The following DNAH2 variants were observed in gnomAD, a reference collection of about 807,000 sequenced individuals.
DNAH2 encodes the protein dynein axonemal heavy chain 2.
Under a neutral mutation model 523.5 loss-of-function variants are expected in DNAH2, and 323 were observed. That is an observed-to-expected ratio of 0.62 (90% CI 0.56 to 0.68). DNAH2 has a LOEUF of 0.68. DNAH2 is among the 30% of genes least tolerant of loss of function. The pLI is 0.00. For missense variants in DNAH2, 4,907 were observed against 5,701.5 expected (o/e 0.86, Z 4.49); for synonymous variants, 2,093 against 2,177.4 (o/e 0.96, Z 1.08).
At chr17:7,737,314 G>A in intron 8 of DNAH2, 56 bp downstream of exon 8, 1 of 1,557,940 alleles carries the variant, frequency 6.4e-7, no homozygotes, top group Non-Finnish European at 8.8e-7. Context: ...CGGGTTTTCT[G>A]AAGCAGGGGG....
chr17:7,720,942 G>A (rs1378253974), intron 2 of DNAH2, among the ~76,000 whole-genome samples: 1 of 150,740 alleles, frequency 6.6e-6, no homozygotes, highest in East Asian at 2.0e-4. Flanking sequence ...AAATGAATGT[G>A]TTGGCCTTCG....
In DNAH2 at chr17:7,780,713, T is replaced by G. The variant is rs2076580970; in HGVS notation, c.5934T>G (p.Arg1978=). Residue 1978 remains arginine, a synonymous_variant, in exon 38 of 86, where the codon CGT becomes CGG. Transcript: ENST00000572933. The surrounding 1 kb of genome is among the most constrained non-coding windows in gnomAD (Gnocchi z 4.4). ...AGGACCACTATGACTTTGGCCTGCG[T>G]GCCCTCACCTCCCTTCTGCGCTATG... ...SRQDHYDFGL[R]ALTSLLRYAG... is the part of the protein sequence containing the mutation. The G allele has an allele frequency of 6.2e-7, 1 of 1,614,238 alleles. No individual in the cohort carries two copies.
intron 75 of DNAH2, 38 bp from the exon 76 acceptor site, chr17:7,824,083 T>A: frequency 6.4e-7 from 1 of 1,569,524 alleles, no homozygotes; most frequent in Non-Finnish European, 8.6e-7. Flanking sequence ...TTTGGTCATG[T>A]GGCCTTCTGC....
At chr17:7,806,827 T>C (rs1449864841) in intron 61 of DNAH2, among the ~76,000 whole-genome samples, 1 of 151,970 alleles carries the variant, frequency 6.6e-6, no homozygotes, top group East Asian at 1.9e-4. Flanking sequence ...GAATACAGCC[T>C]GCCAGTCTCG....
chr17:7,804,241 T>G lies in DNAH2; in HGVS notation c.8973-15T>G. 6.2e-7 allele frequency: 1 copy of G among 1,613,726 alleles called. No individual in the cohort carries two copies. The highest frequency in any genetic ancestry group is 8.5e-7 in the Non-Finnish European group (1 of 1,179,832). ...AGCCCCGCCTCTCCACACCCTGTCC[T>G]ATTCTTTCCCCCAGGTTGCTGGGAG... On this transcript the variant is annotated splice_polypyrimidine_tract_variant and intron_variant, in intron 58 of 85. Coordinates refer to ENST00000572933, the MANE Select transcript of DNAH2 (RefSeq NM_020877.5).
chr17:7,801,910 T>C lies in DNAH2; in HGVS notation c.8865T>C (p.Thr2955=). 4.3e-6 allele frequency: 7 copies of C among 1,614,234 alleles called. No homozygotes were observed. The highest frequency in any genetic ancestry group is 5.9e-6 in the Non-Finnish European group (7 of 1,180,030). Residue 2955 remains threonine, a synonymous_variant, in exon 58 of 86, where the codon ACT becomes ACC. Coordinates refer to ENST00000572933, the MANE Select transcript of DNAH2 (RefSeq NM_020877.5). Reference sequence around the variant, plus strand: ...GGAAGGTGGCCCAGATCTTTGTCACTATGCACTGGTCAGTAGCTCAGTATT... The same window carrying C: ...GGAAGGTGGCCCAGATCTTTGTCACCATGCACTGGTCAGTAGCTCAGTATT... ...IHRKVAQIFV[T]MHWSVAQYSQ...
At chr17:7,773,968 G>A (rs2076384999) in intron 28 of DNAH2, among the ~76,000 whole-genome samples, 3 of 152,144 alleles carry the variant, frequency 2.0e-5, no homozygotes, top group Non-Finnish European at 4.4e-5. Context: ...GACCTCAAGT[G>A]ATCCACCCAC....
rs546237334 is a variant in DNAH2, at chr17:7,769,387, C to A, written c.3942-865C>A. Among the ~76,000 whole-genome samples, 4 of 152,268 alleles carry A rather than the reference C, an allele frequency of 2.6e-5. No individual in the cohort carries two copies. The South Asian group carries it at 8.3e-4, about 32-fold the overall frequency. ...ATGTTGCCCAAGATGGTCTTGAACT[C>A]CTGGCCTCAAGTGATCCGCTCGCCT... is the stretch of plus-strand genomic sequence containing the variant. On this transcript the variant is annotated intron_variant, in intron 24 of 85. Coordinates refer to ENST00000572933, the MANE Select transcript of DNAH2 (RefSeq NM_020877.5).
intron 48 of DNAH2, among the ~76,000 whole-genome samples, chr17:7,793,491 CTT>C (rs1191978826): frequency 7.4e-6 from 1 of 135,214 alleles, no homozygotes; most frequent in Non-Finnish European, 1.7e-5. Flanking sequence ...TTCTTTCTTT[CTT>C]TCTTTCTTTC....
intron 15 of DNAH2, 39 bp from the exon 16 acceptor site, chr17:7,759,383 C>T (rs779416382): frequency 1.3e-6 from 2 of 1,576,092 alleles, no homozygotes; most frequent in Non-Finnish European, 8.6e-7. Context: ...GCCCTGTCTT[C>T]CCTGAAAAGT....
At chr17:7,817,473 C>G in intron 65 of DNAH2, 58 bp downstream of exon 65, 1 of 1,613,278 alleles carries the variant, frequency 6.2e-7, no homozygotes, top group Non-Finnish European at 8.5e-7. Context: ...GGGGCAGGAC[C>G]TTTGGGAATA....
chr17:7,823,741 CCGGAGCA>C, intron 74 of DNAH2, 86 bp from the exon 75 acceptor site: 1 of 1,580,032 alleles, frequency 6.3e-7, no homozygotes, highest in South Asian at 1.2e-5. Flanking sequence ...GCCTCCTGGC[CCGGAGCA>C]CATTCCCGGC....
In DNAH2 at chr17:7,805,075, G is replaced by T; in HGVS notation, c.9300+1G>T. 6.2e-7 allele frequency: 1 copy of T among 1,612,696 alleles called. No homozygotes were observed. On this transcript the variant is annotated splice_donor_variant, in intron 60 of 85. Coordinates refer to ENST00000572933, the MANE Select transcript of DNAH2 (RefSeq NM_020877.5). LOFTEE classifies it high-confidence loss of function. ...GCCCGCCCTGGAAGAGGCCATGCGG[G>T]TACCAGGGGCGGGTGCAAGGATGGG...
rs201935696 is a variant in DNAH2 at position 7,788,232 on chromosome 17, G to A, written c.6888G>A (p.Thr2296=). Residue 2296 remains threonine, a synonymous_variant, in exon 44 of 86, where the codon ACG becomes ACA. Coordinates refer to ENST00000572933, the MANE Select transcript of DNAH2 (RefSeq NM_020877.5). ...SLCKLYSALA[T]PENGVNPADG... is the part of the protein sequence containing the mutation. The stretch of plus-strand genomic sequence containing the variant: ...GCAAGCTGTACTCTGCCCTGGCCAC[G>A]CCAGAGAATGGGGTAAGGGGAGGAC... 25 of 1,589,228 alleles carry A rather than the reference G, an allele frequency of 1.6e-5. No homozygotes were observed. In the East Asian group the frequency reaches 2.7e-4, roughly 17 times the overall value.
chr17:7,719,808 C>T lies in DNAH2; in HGVS notation c.74C>T (p.Ala25Val). ...TCCCAGGCAAGCTGGTCAGGGCGGGCCACTCGGGCTGCTGTGGCCACACAG... is the reference window on the plus strand; with the variant it reads ...TCCCAGGCAAGCTGGTCAGGGCGGGTCACTCGGGCTGCTGTGGCCACACAG... ...GSSQASWSGR[A>V]TRAAVATQEQ... The change falls in exon 2 of 86, where the codon GCC becomes GTC. Residue 25 changes from alanine to valine, a missense_variant. Ala to Val is a moderately conservative substitution (Grantham distance 64, BLOSUM62 0). Transcript: ENST00000572933. 6.2e-7 allele frequency: 1 copy of T among 1,613,388 alleles called. No individual in the cohort carries two copies. Among genetic ancestry groups the T allele is most frequent in the Non-Finnish European group, 8.5e-7 (1 of 1,179,686 alleles).
chr17:7,786,927 TCG>T lies in DNAH2; in HGVS notation c.6498_6499del (p.Phe2166LeufsTer19). 6.2e-7 allele frequency: 1 copy of T among 1,614,210 alleles called. No homozygotes were observed. The stretch of plus-strand genomic sequence containing the variant: ...AAACCCGACGAGAAGTGGATCCTGT[TCG>T]ATGGCCCCGTGGACACACTGTGGAT... On this transcript the variant is annotated frameshift_variant, in exon 42 of 86. Coordinates refer to ENST00000572933, the MANE Select transcript of DNAH2 (RefSeq NM_020877.5). LOFTEE classifies it high-confidence loss of function. The surrounding 1 kb of genome is among the most constrained non-coding windows in gnomAD (Gnocchi z 7.5).
chr17:7,831,495 C>T lies in DNAH2; in HGVS notation c.12565C>T (p.Leu4189Phe), dbSNP rs1229378047. Reference protein sequence around the residue: ...ALDPSPLNVVLLQEIQRYNTL... With the variant: ...ALDPSPLNVVFLQEIQRYNTL... ...CGACCCCTCCCCCCTCAATGTGGTC[C>T]TTCTGCAGGAGATCCAGAGATACAA... is the stretch of plus-strand genomic sequence containing the variant. The change falls in exon 81 of 86, where the codon CTT becomes TTT. Residue 4189 changes from leucine to phenylalanine, a missense_variant. Transcript: ENST00000572933. The surrounding 1 kb of genome is among the most constrained non-coding windows in gnomAD (Gnocchi z 4.2). 6.2e-7 allele frequency: 1 copy of T among 1,614,184 alleles called. No individual in the cohort carries two copies. Among genetic ancestry groups the T allele is most frequent in the South Asian group, 1.1e-5 (1 of 91,078 alleles).
chr17:7,780,505 T>C lies in DNAH2; in HGVS notation c.5851-125T>C. The C allele has an allele frequency of 1.4e-6, 2 of 1,444,066 alleles. No homozygotes were observed. Among genetic ancestry groups the C allele is most frequent in the Non-Finnish European group, 1.9e-6 (2 of 1,056,568 alleles). 89.5% of individuals were successfully genotyped at this position (1,444,066 alleles called of 1,614,324 possible). A position where few individuals can be genotyped will look rare whatever the true frequency, so the allele number is the denominator to read the frequency against. ...CATTCACACAATTTCCTCAGGAGAA[T>C]CCATAGAGTGCCTCCTAGCTGCTTC... On this transcript the variant is annotated intron_variant, in intron 37 of 85. Transcript: ENST00000572933. This position sits in a 1 kb window ranked among gnomAD's most constrained non-coding sequence, Gnocchi z 4.4.
chr17:7,720,609 G>A (rs2074572779), intron 2 of DNAH2, among the ~76,000 whole-genome samples: 1 of 152,122 alleles, frequency 6.6e-6, no homozygotes, highest in South Asian at 2.1e-4. Flanking sequence ...GTGTAGACAG[G>A]ACTATGAGCT....
Sources: gnomAD v4.1 joint callset for allele counts (sites outside exome capture counted in the v4.1 genomes callset) on GRCh38, gnomAD v4.1.1 for gene constraint, Gnocchi (gnomAD v3.1) non-coding constraint, MANE v1.5 for transcripts, NCBI Gene and HGNC (gene_info 2026-07-23, HGNC 2026-07-21) for gene names.